The following BMERB1 variants were observed in gnomAD, a reference collection of about 807,000 sequenced individuals.
BMERB1 encodes bMERB domain-containing protein 1.
A neutral mutation model predicts 23.6 loss-of-function variants in BMERB1; 12 were observed. The observed-to-expected ratio is 0.51, with a 90% CI of 0.33 to 0.82. The LOEUF (loss-of-function observed/expected upper bound fraction) is 0.82, where lower values mean the gene tolerates loss of function less well. Ranked by LOEUF, BMERB1 falls within the 40% of genes least tolerant of loss-of-function variation. The pLI is 0.03. For synonymous variants in BMERB1, 122 were observed against 96.6 expected, an observed-to-expected ratio of 1.26 and a Z score of -1.54; for missense variants, 247 against 255.4, an observed-to-expected ratio of 0.97 and a Z score of 0.22.
intron 2 of BMERB1, among the ~76,000 whole-genome samples, chr16:15,526,800 G>A (rs911731313): frequency 2.7e-5 from 4 of 150,718 alleles, no homozygotes; most frequent in African/African-American, 7.3e-5. Context: ...AAATATGAGG[G>A]AATGGGGCAC....
At chr16:15,508,483 G>A (rs182575871) in intron 1 of BMERB1, among the ~76,000 whole-genome samples, 6 of 152,212 alleles carry the variant, frequency 3.9e-5, no homozygotes, top group South Asian at 2.1e-4. Flanking sequence ...CAAGCATGGG[G>A]CTGCGCTTGG....
chr16:15,585,167 A>G (rs1186997401), intron 5 of BMERB1, among the ~76,000 whole-genome samples: 1 of 152,266 alleles, frequency 6.6e-6, no homozygotes, highest in Non-Finnish European at 1.5e-5. Flanking sequence ...GCACGTGATC[A>G]CTGCCGAAGG....
chr16:15,496,784 C>A (rs571232407), intron 1 of BMERB1, among the ~76,000 whole-genome samples: 1 of 152,076 alleles, frequency 6.6e-6, no homozygotes. Flanking sequence ...GTGATCTGCC[C>A]GCCTCGGCCT....
intron 1 of BMERB1, among the ~76,000 whole-genome samples, chr16:15,443,366 C>A (rs1354757476): frequency 1.4e-5 from 2 of 138,436 alleles, no homozygotes; most frequent in Non-Finnish European, 3.1e-5. Flanking sequence ...CCAGCCTGGG[C>A]AATGTGGCGA....
At chr16:15,545,009 A>T (rs547800427) in intron 2 of BMERB1, among the ~76,000 whole-genome samples, 1 of 151,504 alleles carries the variant, frequency 6.6e-6, no homozygotes, top group African/African-American at 2.4e-5. Flanking sequence ...GTCTCGCTCT[A>T]TCACCCAGGC....
intron 1 of BMERB1, among the ~76,000 whole-genome samples, chr16:15,512,059 A>T (rs1254248001): frequency 6.6e-6 from 1 of 150,954 alleles, no homozygotes; most frequent in African/African-American, 2.4e-5. Flanking sequence ...TCTCAGAGAG[A>T]ATGAAGAGAG....
intron 2 of BMERB1, among the ~76,000 whole-genome samples, chr16:15,541,905 A>ATT (rs35159147): frequency 9.1e-6 from 1 of 110,044 alleles, no homozygotes; most frequent in East Asian, 2.5e-4. Flanking sequence ...CCCGGCCTAA[A>ATT]TTTTTTTTTT....
chr16:15,501,577 C>T (rs550735419), intron 1 of BMERB1, among the ~76,000 whole-genome samples: 1 of 152,160 alleles, frequency 6.6e-6, no homozygotes, highest in Non-Finnish European at 1.5e-5. Flanking sequence ...CCAGTTCAAG[C>T]AATTCTCCTG....
At chr16:15,474,551 G>A (rs2051259657) in intron 1 of BMERB1, among the ~76,000 whole-genome samples, 1 of 151,856 alleles carries the variant, frequency 6.6e-6, no homozygotes, top group Admixed American at 6.6e-5. Context: ...TTTTGTGTGT[G>A]TGTGCTTTTT....
chr16:15,500,146 C>T (rs983207621), intron 1 of BMERB1, among the ~76,000 whole-genome samples: 4 of 152,140 alleles, frequency 2.6e-5, no homozygotes, highest in Non-Finnish European at 5.9e-5. Flanking sequence ...ATACCTGTGT[C>T]CTTCTCCCCA....
At chr16:15,519,074 T>TACAC (rs145892599) in intron 2 of BMERB1, among the ~76,000 whole-genome samples, 32,278 of 140,322 alleles carry the variant, frequency 0.23, 4,109 homozygotes, top group East Asian at 0.4. Flanking sequence ...ACAATCCTCT[T>TACAC]ACACACACAC....
At chr16:15,517,804 G>GT (rs1472220038) in intron 2 of BMERB1, among the ~76,000 whole-genome samples, 1 of 150,952 alleles carries the variant, frequency 6.6e-6, no homozygotes, top group African/African-American at 2.4e-5. Context: ...GTGTGTGGGG[G>GT]TGTTCGTATG....
intron 1 of BMERB1, among the ~76,000 whole-genome samples, chr16:15,452,282 TAAA>T (rs777225534): frequency 0.04 from 3,754 of 95,006 alleles, 65 homozygotes; most frequent in Admixed American, 0.058. Context: ...CCCTGTCTCT[TAAA>T]AAAAAAAAAA....
chr16:15,582,459 C>T (rs549044058), intron 4 of BMERB1, among the ~76,000 whole-genome samples: 25 of 152,148 alleles, frequency 1.6e-4, no homozygotes, highest in African/African-American at 5.1e-4. Context: ...TTCTCCTTAC[C>T]TCCGGTTCTG....
chr16:15,511,501 A>G (rs185128244), intron 1 of BMERB1, among the ~76,000 whole-genome samples: 307 of 152,200 alleles, frequency 2.0e-3, no homozygotes, highest in Non-Finnish European at 3.4e-3. Flanking sequence ...CTCCAACCCA[A>G]TAGCAGATTC....
chr16:15,520,420 A>G (rs1189340076), intron 2 of BMERB1, among the ~76,000 whole-genome samples: 1 of 151,326 alleles, frequency 6.6e-6, no homozygotes, highest in Non-Finnish European at 1.5e-5. Context: ...TTACTAAGTC[A>G]GGCTTTGGAC....
chr16:15,536,101 T>A lies in BMERB1; in HGVS notation c.230+20673T>A, dbSNP rs552807486. On this transcript the variant is annotated intron_variant, in intron 2 of 5. Transcript: ENST00000300006. ...ATCCTTTTCCCTGTAGGGTTGTGGG[T>A]TAAAAGTAGGCAGAAGAGGATGGTG... is the stretch of plus-strand genomic sequence containing the variant. Among the ~76,000 whole-genome samples the A allele has an allele frequency of 3.3e-5, 5 of 152,024 alleles. No homozygotes were observed. The South Asian group carries it at 1.0e-3, about 32-fold the overall frequency.
At chr16:15,474,012 CGGG>C (rs1567460085) in intron 1 of BMERB1, among the ~76,000 whole-genome samples, 1 of 150,988 alleles carries the variant, frequency 6.6e-6, no homozygotes, top group Non-Finnish European at 1.5e-5. Flanking sequence ...CCCAGCTCCT[CGGG>C]AGGCTGAGGC....
chr16:15,561,032 C>T lies in BMERB1; in HGVS notation c.231-6951C>T, dbSNP rs539573885. ...GTGCAGTGGCACGATCTCAGCTCAC[C>T]GCAATCTCTGCCTCCTGGGTTCAAG... On this transcript the variant is annotated intron_variant, in intron 2 of 5. Transcript: ENST00000300006. Among the ~76,000 whole-genome samples, 15 of 141,476 alleles carry T rather than the reference C, an allele frequency of 1.1e-4. No homozygotes were observed. In the East Asian group the frequency reaches 1.1e-3, roughly 10 times the overall value. The allele number at this position is 141,476 out of a possible 152,430, so 92.8% of individuals were successfully genotyped here. A position where few individuals can be genotyped will look rare whatever the true frequency, so the allele number is the denominator to read the frequency against.
Sources: allele counts gnomAD v4.1 joint callset (sites outside exome capture counted in the v4.1 genomes callset), GRCh38; gene constraint gnomAD v4.1.1; transcripts MANE v1.5; gene names NCBI Gene and HGNC (gene_info 2026-07-23, HGNC 2026-07-21).